The following MYO16 variants were observed in gnomAD, a reference collection of about 807,000 sequenced individuals.
The protein encoded by MYO16 is myosin XVI, also known as unconventional myosin-XVI.
A neutral mutation model predicts 205.3 loss-of-function variants in MYO16; 94 were observed. The observed-to-expected ratio is 0.46, with a 90% CI of 0.39 to 0.54. The LOEUF is 0.54. MYO16 is among the 20% of genes least tolerant of loss of function. The pLI, the probability that MYO16 is intolerant of heterozygous loss-of-function variation, is 0.00. For synonymous variants in MYO16, 988 were observed against 954.0 expected (o/e 1.04, Z -0.66); for missense variants, 2,315 against 2,387.5 (o/e 0.97, Z 0.63).
At chr13:108,526,501 AT>A in the MYO16 span, among the ~76,000 whole-genome samples, 3 of 152,128 alleles carry the variant, frequency 2.0e-5, no homozygotes, top group African/African-American at 4.8e-5. Flanking sequence ...CCAAATGCTG[AT>A]TTGTTAATGG....
At chr13:108,501,011 C>T in the MYO16 span, among the ~76,000 whole-genome samples, 1 of 152,158 alleles carries the variant, frequency 6.6e-6, no homozygotes, top group Non-Finnish European at 1.5e-5. Context: ...CTTTATTCAT[C>T]CCCCTGTACA....
At chr13:109,016,821 A>C (rs925217110) in intron 22 of MYO16, among the ~76,000 whole-genome samples, 8 of 151,712 alleles carry the variant, frequency 5.3e-5, no homozygotes, top group Admixed American at 5.3e-4. Context: ...TGCTTGGTAG[A>C]TCTTCCTCCA....
At chr13:108,790,159 T>C (rs1019322603) in intron 5 of MYO16, among the ~76,000 whole-genome samples, 1 of 152,200 alleles carries the variant, frequency 6.6e-6, no homozygotes, top group Non-Finnish European at 1.5e-5. Flanking sequence ...CAGCTCAGCA[T>C]GGTCATAAAA....
chr13:108,796,986 C>A (rs7992994), intron 6 of MYO16, among the ~76,000 whole-genome samples: 1 of 151,248 alleles, frequency 6.6e-6, no homozygotes, highest in Non-Finnish European at 1.5e-5. Flanking sequence ...AGGGGTAAAC[C>A]GGAGAGTTTG....
chr13:108,731,296 T>C (rs910343727), intron 4 of MYO16, among the ~76,000 whole-genome samples: 1 of 152,204 alleles, frequency 6.6e-6, no homozygotes, highest in African/African-American at 2.4e-5. Flanking sequence ...TCAAGCTACA[T>C]ATATGAATCA....
intron 9 of MYO16, among the ~76,000 whole-genome samples, chr13:108,834,666 T>A (rs901116919): frequency 6.4e-4 from 15 of 23,496 alleles, no homozygotes; most frequent in South Asian, 3.8e-3. Flanking sequence ...TCTCTCTCTC[T>A]CTCACACATA....
intron 33 of MYO16, among the ~76,000 whole-genome samples, chr13:109,168,747 CT>C (rs1369956601): frequency 2.6e-5 from 4 of 152,008 alleles, no homozygotes. Flanking sequence ...AAAATAAAAT[CT>C]CTAAGTAATC....
At position 108,806,770 on chromosome 13, in the gene MYO16, G is replaced by A; in HGVS notation, c.833G>A (p.Trp278Ter). 6.3e-7 allele frequency: 1 copy of A among 1,579,918 alleles called. No homozygotes were observed. Among genetic ancestry groups the A allele is most frequent in the East Asian group, 2.2e-5 (1 of 44,450 alleles). Residue 278 changes from tryptophan to a stop codon, truncating the protein, a stop_gained, in exon 7 of 35, where the codon TGG becomes TAG. Coordinates refer to ENST00000457511, the MANE Select transcript of MYO16 (RefSeq NM_001198950.3). LOFTEE classifies it high-confidence loss of function. ...GDLNIVDDQY[W>*]TPLHLAAKYG... Reference sequence around the variant, plus strand: ...CTCAACATAGTAGATGATCAGTACTGGACTCCCCTCCACTTGGCAGCCAAA... The same window carrying A: ...CTCAACATAGTAGATGATCAGTACTAGACTCCCCTCCACTTGGCAGCCAAA...
At chr13:109,095,967 T>C (rs1888764082) in intron 27 of MYO16, among the ~76,000 whole-genome samples, 1 of 152,180 alleles carries the variant, frequency 6.6e-6, no homozygotes, top group African/African-American at 2.4e-5. Flanking sequence ...CCATCTAGGA[T>C]TAGGACTTGT....
At chr13:109,037,811 G>A (rs896477007) in intron 23 of MYO16, among the ~76,000 whole-genome samples, 2 of 152,174 alleles carry the variant, frequency 1.3e-5, no homozygotes, top group African/African-American at 4.8e-5. Context: ...GGGGCTTGTT[G>A]AAGCTGGACT....
chr13:108,578,721 C>T, the MYO16 span, among the ~76,000 whole-genome samples: 4 of 152,086 alleles, frequency 2.6e-5, no homozygotes, highest in South Asian at 2.1e-4. Context: ...GGGTACTATT[C>T]GTCGAGATAC....
At chr13:108,793,036 C>A (rs1886664114) in intron 5 of MYO16, among the ~76,000 whole-genome samples, 1 of 152,164 alleles carries the variant, frequency 6.6e-6, no homozygotes, top group Admixed American at 6.5e-5. Context: ...AACATCCCAG[C>A]ACTTTGGGAA....
intron 2 of MYO16, among the ~76,000 whole-genome samples, chr13:108,687,007 T>A (rs1882705134): frequency 6.6e-6 from 1 of 152,238 alleles, no homozygotes; most frequent in South Asian, 2.1e-4. Context: ...TGGTCAAGAA[T>A]AATTATCAAG....
chr13:108,794,798 G>A (rs1886733747), intron 6 of MYO16, among the ~76,000 whole-genome samples: 1 of 152,120 alleles, frequency 6.6e-6, no homozygotes, highest in Admixed American at 6.5e-5. Context: ...TAGAATAGGA[G>A]AAGGGAATTT....
At chr13:108,823,558 A>C (rs1876097534) in intron 9 of MYO16, among the ~76,000 whole-genome samples, 1 of 152,136 alleles carries the variant, frequency 6.6e-6, no homozygotes, top group East Asian at 1.9e-4. Flanking sequence ...ATTTTAGCTA[A>C]ACTGATAGTG....
chr13:108,589,729 T>C, the MYO16 span, among the ~76,000 whole-genome samples: 1 of 152,170 alleles, frequency 6.6e-6, no homozygotes, highest in Non-Finnish European at 1.5e-5. Flanking sequence ...AAGCAAGTAG[T>C]GGCATCAATC....
chr13:108,793,492 T>A, intron 5 of MYO16, 24 bp from the exon 6 acceptor site: 1 of 1,610,552 alleles, frequency 6.2e-7, no homozygotes, highest in Non-Finnish European at 8.5e-7. Context: ...TCCATTCTGG[T>A]TGAAAGGCTC....
intron 4 of MYO16, among the ~76,000 whole-genome samples, chr13:108,784,274 G>A (rs752869613): frequency 1.3e-5 from 2 of 151,842 alleles, no homozygotes; most frequent in East Asian, 1.9e-4. Context: ...AAAACTAAAT[G>A]CACTAACAAG....
intron 1 of MYO16, among the ~76,000 whole-genome samples, chr13:108,659,846 G>A (rs1479864987): frequency 6.6e-6 from 1 of 152,146 alleles, no homozygotes. Flanking sequence ...TGCCTTTATG[G>A]GGCTTACTAA....
Sources: allele counts gnomAD v4.1 joint callset (sites outside exome capture counted in the v4.1 genomes callset), GRCh38; gene constraint gnomAD v4.1.1; transcripts MANE v1.5; gene names NCBI Gene and HGNC (gene_info 2026-07-23, HGNC 2026-07-21).